Variants in ASB4 observed in about 807,000 individuals in gnomAD.
The protein encoded by ASB4 is ankyrin repeat and SOCS box containing 4.
ASB4 carries 35 observed loss-of-function variants against 38.6 expected under a neutral mutation model. The ratio of observed to expected loss-of-function variants is 0.91; its 90% CI spans 0.69 to 1.20. ASB4 has a LOEUF of 1.20. Among genes scored for constraint, ASB4 ranks in the 50% most tolerant of loss-of-function variants. The pLI is 0.00. For synonymous variants in ASB4, 195 were observed against 201.3 expected (o/e 0.97, Z 0.26); for missense variants, 557 against 527.2 (o/e 1.06, Z -0.55).
intron 3 of ASB4, among the ~76,000 whole-genome samples, chr7:95,535,442 A>G (rs910651711): frequency 6.6e-5 from 10 of 152,188 alleles, no homozygotes; most frequent in African/African-American, 2.4e-4. Flanking sequence ...CCGAAGTTTC[A>G]TGGGAAAAAT....
chr7:95,545,130 GTTAAGGGT>G (rs943842284), downstream of ASB4, among the ~76,000 whole-genome samples: 1 of 151,230 alleles, frequency 6.6e-6, no homozygotes, highest in Admixed American at 6.6e-5. Flanking sequence ...AAGCTGTTTT[GTTAAGGGT>G]TCATTGCTCC....
downstream of ASB4, among the ~76,000 whole-genome samples, chr7:95,541,634 A>C (rs997453871): frequency 1.3e-5 from 2 of 152,210 alleles, no homozygotes; most frequent in African/African-American, 4.8e-5. Flanking sequence ...CATGCCAACC[A>C]ATTAATTTTT....
intron 2 of ASB4, among the ~76,000 whole-genome samples, chr7:95,521,741 G>T (rs1214345606): frequency 6.6e-6 from 1 of 150,516 alleles, no homozygotes; most frequent in Non-Finnish European, 1.5e-5. Flanking sequence ...ATAAAAACAG[G>T]TTGCAAAAGT....
chr7:95,548,784 AT>A, the ASB4 span, among the ~76,000 whole-genome samples: 1 of 152,200 alleles, frequency 6.6e-6, no homozygotes, highest in African/African-American at 2.4e-5. Flanking sequence ...TGCTTCATTC[AT>A]TTTTTAACTC....
At chr7:95,478,511 A>T (rs1789997173) in exon 1 of ASB4, 1 of 152,204 alleles carries the variant, frequency 6.6e-6, no homozygotes. Context: ...CAATCCAGCC[A>T]TTCTGACATC....
At chr7:95,503,311 G>T (rs1247044520) in intron 2 of ASB4, among the ~76,000 whole-genome samples, 1 of 152,170 alleles carries the variant, frequency 6.6e-6, no homozygotes, top group African/African-American at 2.4e-5. Flanking sequence ...TAAGTGTTTT[G>T]CAGGTAGGTC....
intron 2 of ASB4, among the ~76,000 whole-genome samples, chr7:95,519,584 A>G (rs558386952): frequency 1.3e-4 from 20 of 152,332 alleles, no homozygotes; most frequent in Admixed American, 1.2e-3. Flanking sequence ...ACATGGATCA[A>G]ACATCTCAGA....
upstream of ASB4, chr7:95,474,147 G>A (rs1398900434): frequency 1.3e-5 from 2 of 152,186 alleles, no homozygotes; most frequent in Non-Finnish European, 2.9e-5. Flanking sequence ...AAATCAGGTC[G>A]AAAGACTTTT....
intron 2 of ASB4, among the ~76,000 whole-genome samples, chr7:95,516,075 C>T (rs1288417937): frequency 6.6e-6 from 1 of 152,078 alleles, no homozygotes; most frequent in Non-Finnish European, 1.5e-5. Context: ...GAATTTTGTC[C>T]CTGAGTGGAG....
At chr7:95,504,329 A>G (rs1562813855) in intron 2 of ASB4, among the ~76,000 whole-genome samples, 2 of 151,192 alleles carry the variant, frequency 1.3e-5, no homozygotes, top group South Asian at 4.2e-4. Context: ...CTGCTACTTT[A>G]TCTGACAGTG....
intron 2 of ASB4, among the ~76,000 whole-genome samples, chr7:95,515,656 C>T (rs1298784800): frequency 6.6e-6 from 1 of 152,118 alleles, no homozygotes; most frequent in African/African-American, 2.4e-5. Context: ...CCTTGTGATC[C>T]CCCCGACCTT....
chr7:95,495,984 A>C lies in ASB4; in HGVS notation c.414A>C (p.Leu138Phe). 6.2e-7 allele frequency: 1 copy of C among 1,614,086 alleles called. No individual in the cohort carries two copies. Among genetic ancestry groups the C allele is most frequent in the Non-Finnish European group, 8.5e-7 (1 of 1,179,966 alleles). The change falls in exon 2 of 5, where the codon TTA (leucine) becomes TTC (phenylalanine). Residue 138 changes from leucine to phenylalanine, a missense_variant. By Grantham distance (22) the Leu-to-Phe change is conservative (BLOSUM62 0). Transcript: ENST00000325885. Reference sequence around the variant, plus strand: ...GGGCAAAGCTCAATTGCTACTCCTTAAGTGGACACACAGCTTTGCACTTTT... The same window carrying C: ...GGGCAAAGCTCAATTGCTACTCCTTCAGTGGACACACAGCTTTGCACTTTT... The part of the protein sequence containing the change: ...DRGAKLNCYS[L>F]SGHTALHFCT...
chr7:95,492,959 T>C (rs897341003), intron 1 of ASB4, among the ~76,000 whole-genome samples: 23 of 152,144 alleles, frequency 1.5e-4, no homozygotes, highest in African/African-American at 5.3e-4. Context: ...CATAACTCAA[T>C]AGAAATGTAT....
chr7:95,481,361 G>GA (rs146164007), upstream of ASB4, among the ~76,000 whole-genome samples: 6,414 of 147,924 alleles, frequency 0.043, 414 homozygotes, highest in African/African-American at 0.15. Context: ...GCAAAAAAAG[G>GA]AAAAAAAAAC....
rs1042651478 is a variant in ASB4 at position 95,538,788 on chromosome 7, G to A, written c.*1029G>A. 6.6e-6 allele frequency: 1 copy of A among 152,164 alleles called. No homozygotes were observed. The highest frequency in any genetic ancestry group is 2.4e-5 in the African/African-American group (1 of 41,424). The allele number at this position is 152,164 out of a possible 1,614,324, so 9.4% of individuals were successfully genotyped here. A position where few individuals can be genotyped will look rare whatever the true frequency, so the allele number is the denominator to read the frequency against. ...ATGTGACAAGGAAGCATAGGAAAAT[G>A]GGGGAAAGAAAGTGTGTGAGGGGAC... On this transcript the variant is annotated 3_prime_UTR_variant, in exon 5 of 5. Coordinates refer to ENST00000325885, the MANE Select transcript of ASB4 (RefSeq NM_016116.3).
downstream of ASB4, chr7:95,540,292 A>G (rs1158428038): frequency 6.6e-6 from 1 of 152,196 alleles, no homozygotes; most frequent in Non-Finnish European, 1.5e-5. Flanking sequence ...ACTTTTCAGC[A>G]ATGACACTGA....
At chr7:95,520,028 G>A (rs1202829876) in intron 2 of ASB4, among the ~76,000 whole-genome samples, 1 of 152,060 alleles carries the variant, frequency 6.6e-6, no homozygotes, top group African/African-American at 2.4e-5. Flanking sequence ...AGATGAAATG[G>A]GTAGGTTCAG....
chr7:95,533,270 T>C (rs570528329), intron 3 of ASB4, among the ~76,000 whole-genome samples: 6 of 152,328 alleles, frequency 3.9e-5, no homozygotes, highest in Non-Finnish European at 7.3e-5. Context: ...GTAATCTATT[T>C]TATCAGTAGT....
the ASB4 span, among the ~76,000 whole-genome samples, chr7:95,549,977 A>G: frequency 6.6e-6 from 1 of 152,194 alleles, no homozygotes; most frequent in Non-Finnish European, 1.5e-5. Flanking sequence ...GTGAGTAATC[A>G]TGCCTGGCCA....
Sources: allele counts gnomAD v4.1 joint callset (sites outside exome capture counted in the v4.1 genomes callset), GRCh38; gene constraint gnomAD v4.1.1; transcripts MANE v1.5; gene names NCBI Gene and HGNC (gene_info 2026-07-23, HGNC 2026-07-21).